The following CACNA2D3 variants were observed in gnomAD, a reference collection of about 807,000 sequenced individuals.
The protein encoded by CACNA2D3 is voltage-dependent calcium channel subunit alpha-2/delta-3.
CACNA2D3 carries 60 observed loss-of-function variants against 160.6 expected under a neutral mutation model. The observed-to-expected ratio is 0.37, with a 90% CI of 0.30 to 0.46. The LOEUF is 0.46. CACNA2D3 is among the 20% of genes least tolerant of loss of function. The pLI, the probability that CACNA2D3 is intolerant of heterozygous loss-of-function variation, is 1.00. For synonymous variants in CACNA2D3, 558 were observed against 492.9 expected, an observed-to-expected ratio of 1.13 and a Z score of -1.75; for missense variants, 1,205 against 1,365.0, an observed-to-expected ratio of 0.88 and a Z score of 1.85.
chr3:54,206,981 G>C (rs553864580), intron 2 of CACNA2D3, among the ~76,000 whole-genome samples: 40 of 152,262 alleles, frequency 2.6e-4, no homozygotes, highest in South Asian at 1.9e-3. Context: ...ACTTCCTATA[G>C]CCCCTGACAG....
chr3:54,629,897 C>T (rs1699198459), intron 10 of CACNA2D3, among the ~76,000 whole-genome samples: 1 of 152,096 alleles, frequency 6.6e-6, no homozygotes, highest in South Asian at 2.1e-4. Context: ...TGTTCTCTGG[C>T]CTAAGTGGCG....
intron 27 of CACNA2D3, chr3:54,925,254 T>C: frequency 6.5e-7 from 1 of 1,537,936 alleles, no homozygotes. Flanking sequence ...GGAACCAGTT[T>C]GTGAGGTGTG....
chr3:54,219,691 C>A (rs189963446), intron 2 of CACNA2D3, among the ~76,000 whole-genome samples: 1 of 152,052 alleles, frequency 6.6e-6, no homozygotes, highest in Admixed American at 6.5e-5. Context: ...GGGCTTATTT[C>A]CTGTGTGTTT....
chr3:54,174,680 A>G (rs989060403), intron 2 of CACNA2D3, among the ~76,000 whole-genome samples: 1 of 152,074 alleles, frequency 6.6e-6, no homozygotes, highest in Non-Finnish European at 1.5e-5. Context: ...GCCCGCCACC[A>G]CGCCTGGCTA....
rs150512683 is a variant in CACNA2D3 at position 54,656,119 on chromosome 3, A to G, written c.1167+13878A>G. On this transcript the variant is annotated intron_variant, in intron 11 of 37. Coordinates refer to ENST00000474759, the MANE Select transcript of CACNA2D3 (RefSeq NM_018398.3). ...ATTATGGTCCATGGGACCCTGGACC[A>G]GGATCAGCAGGTGCCTCTGAGTAGG... 2.0e-4 allele frequency among the ~76,000 whole-genome samples: 30 copies of G among 152,360 alleles called. 1 individual carries two copies. The highest frequency in any genetic ancestry group is 6.5e-4 in the African/African-American group (27 of 41,580).
At chr3:54,210,431 T>G (rs1255501068) in intron 2 of CACNA2D3, among the ~76,000 whole-genome samples, 1 of 151,966 alleles carries the variant, frequency 6.6e-6, no homozygotes, top group Non-Finnish European at 1.5e-5. Context: ...TTTTTGTGTG[T>G]GTGTGTGTGT....
At chr3:54,291,762 C>G (rs1703211413) in intron 2 of CACNA2D3, among the ~76,000 whole-genome samples, 2 of 152,148 alleles carry the variant, frequency 1.3e-5, no homozygotes, top group South Asian at 4.1e-4. Flanking sequence ...CATAGTTACT[C>G]TAGGAATGGG....
At chr3:54,723,703 G>A (rs2102947) in intron 11 of CACNA2D3, among the ~76,000 whole-genome samples, 25,040 of 152,162 alleles carry the variant, frequency 0.16, 2,348 homozygotes, top group Non-Finnish European at 0.21. Context: ...CTCACCCTCC[G>A]TGGGCTGCAC....
chr3:54,671,479 C>T (rs528936624), intron 11 of CACNA2D3, among the ~76,000 whole-genome samples: 1 of 152,104 alleles, frequency 6.6e-6, no homozygotes, highest in East Asian at 1.9e-4. Flanking sequence ...GTTGGGAAGG[C>T]AGAGGAGAAA....
chr3:54,545,803 T>TTGGAAGAGATGTTTA, intron 5 of CACNA2D3, among the ~76,000 whole-genome samples: 1 of 152,292 alleles, frequency 6.6e-6, no homozygotes, highest in Admixed American at 6.5e-5. Context: ...TACTGGAAAC[T>TTGGAAGAGATGTTTA]TGGAAGAGAT....
chr3:54,671,714 AG>A (rs1257329516), intron 11 of CACNA2D3, among the ~76,000 whole-genome samples: 3 of 152,264 alleles, frequency 2.0e-5, no homozygotes, highest in African/African-American at 4.8e-5. Context: ...TAGTCCATGG[AG>A]GGAGGGGACA....
chr3:54,600,777 A>G lies in CACNA2D3; in HGVS notation c.963+18900A>G, dbSNP rs541070832. Among the ~76,000 whole-genome samples, 23 of 152,018 alleles carry G rather than the reference A, an allele frequency of 1.5e-4. No individual in the cohort carries two copies. The East Asian group carries it at 3.9e-3, about 26-fold the overall frequency. On this transcript the variant is annotated intron_variant, in intron 9 of 37. Transcript: ENST00000474759. Reference sequence around the variant, plus strand: ...CTCTGGCTTCATTATGTGAGCGTCTAATGAGCCGGGAGTGGAAGCTGTGGG... The same window carrying G: ...CTCTGGCTTCATTATGTGAGCGTCTGATGAGCCGGGAGTGGAAGCTGTGGG...
At chr3:54,920,901 G>A (rs1700828348) in intron 27 of CACNA2D3, among the ~76,000 whole-genome samples, 1 of 152,126 alleles carries the variant, frequency 6.6e-6, no homozygotes, top group Admixed American at 6.5e-5. Context: ...TAAGGTGGGA[G>A]CCACAGCCTC....
At chr3:54,805,032 T>G (rs936106825) in intron 13 of CACNA2D3, among the ~76,000 whole-genome samples, 1 of 152,220 alleles carries the variant, frequency 6.6e-6, no homozygotes, top group African/African-American at 2.4e-5. Context: ...TACCAGAATC[T>G]GTGGGACACA....
At chr3:54,528,001 T>C (rs1214219945) in intron 5 of CACNA2D3, among the ~76,000 whole-genome samples, 1 of 152,350 alleles carries the variant, frequency 6.6e-6, no homozygotes, top group Middle Eastern at 3.4e-3. Flanking sequence ...AGTTTCACTA[T>C]GGAACAGTTC....
intron 29 of CACNA2D3, among the ~76,000 whole-genome samples, chr3:54,975,516 G>T: frequency 9.2e-6 from 1 of 108,374 alleles, no homozygotes; most frequent in African/African-American, 3.8e-5. Context: ...GTGAGACTTG[G>T]TCTCCAAAAA....
intron 4 of CACNA2D3, among the ~76,000 whole-genome samples, chr3:54,482,288 G>A (rs187058431): frequency 6.6e-6 from 1 of 152,284 alleles, no homozygotes; most frequent in Admixed American, 6.5e-5. Context: ...GAACTGTGGT[G>A]CGTAAACTCA....
Position 54,411,240 on chromosome 3 carries a change from G to C in CACNA2D3, c.381+24466G>C, listed in dbSNP as rs149360634. ...GGAGGGATTTAGAATGTTTTATAAAGGTAGTTGATAAGGCAGCAGCAGGGT... is the reference window on the plus strand; with the variant it reads ...GGAGGGATTTAGAATGTTTTATAAACGTAGTTGATAAGGCAGCAGCAGGGT... On this transcript the variant is annotated intron_variant, in intron 4 of 37. Transcript: ENST00000474759. 2.8e-3 allele frequency among the ~76,000 whole-genome samples: 424 copies of C among 152,310 alleles called. 1 individual carries two copies. Among genetic ancestry groups the C allele is most frequent in the Middle Eastern group, 6.8e-3 (2 of 294 alleles).
At chr3:54,316,232 A>G (rs1703858219) in intron 2 of CACNA2D3, among the ~76,000 whole-genome samples, 1 of 152,160 alleles carries the variant, frequency 6.6e-6, no homozygotes. Flanking sequence ...AGCTCACTCT[A>G]TCCAGTTACT....
Sources: gnomAD v4.1 joint callset for allele counts (sites outside exome capture counted in the v4.1 genomes callset) on GRCh38, gnomAD v4.1.1 for gene constraint, MANE v1.5 for transcripts, NCBI Gene and HGNC (gene_info 2026-07-23, HGNC 2026-07-21) for gene names.